The following PDZD2 variants were observed in gnomAD, a reference collection of about 807,000 sequenced individuals.
PDZD2 encodes PDZ domain containing 2.
In PDZD2, 90 loss-of-function variants were observed where a neutral mutation model predicts 220.7. That is an observed-to-expected ratio of 0.41 (90% CI 0.34 to 0.49). The LOEUF (loss-of-function observed/expected upper bound fraction) is 0.49. Among genes scored for constraint, PDZD2 ranks in the 20% least tolerant of loss-of-function variants. PDZD2 has a pLI of 0.28. For missense variants in PDZD2, 3,174 were observed against 3,608.5 expected, an observed-to-expected ratio of 0.88 and a Z score of 3.08; for synonymous variants, 1,375 against 1,450.5, an observed-to-expected ratio of 0.95 and a Z score of 1.18.
intron 1 of PDZD2, among the ~76,000 whole-genome samples, chr5:31,759,319 C>T (rs1202434078): frequency 6.6e-6 from 1 of 152,052 alleles, no homozygotes; most frequent in Non-Finnish European, 1.5e-5. Context: ...TTCGAGGCTT[C>T]GGGGGGAGTG....
chr5:31,862,991 C>T (rs1251547376), intron 2 of PDZD2, among the ~76,000 whole-genome samples: 2 of 151,990 alleles, frequency 1.3e-5, no homozygotes, highest in African/African-American at 2.4e-5. Flanking sequence ...CCTCCCAAGG[C>T]GTGGCAATCC....
chr5:32,003,166 A>C (rs1399900629), intron 5 of PDZD2, among the ~76,000 whole-genome samples: 2 of 52,048 alleles, frequency 3.8e-5, no homozygotes, highest in Admixed American at 2.6e-4. Flanking sequence ...CAACACACAC[A>C]CCACACACCA....
chr5:31,795,860 T>C (rs766235810), intron 1 of PDZD2, among the ~76,000 whole-genome samples: 10 of 152,208 alleles, frequency 6.6e-5, no homozygotes, highest in Non-Finnish European at 1.5e-4. Flanking sequence ...TGGAAAGCCC[T>C]CAATTATAGG....
chr5:32,022,379 TG>T (rs1281987118), intron 6 of PDZD2, among the ~76,000 whole-genome samples: 1 of 150,308 alleles, frequency 6.7e-6, no homozygotes, highest in African/African-American at 2.4e-5. Context: ...TTTTTTTTTT[TG>T]TATTTTAGTA....
At chr5:32,002,920 CACACACACCTCACACA>C (rs1752358050) in intron 5 of PDZD2, among the ~76,000 whole-genome samples, 2 of 121,732 alleles carry the variant, frequency 1.6e-5, no homozygotes, top group Non-Finnish European at 1.8e-5. Context: ...ACACACACAC[CACACACACCTCACACA>C]CCACGAACAC....
chr5:32,038,687 C>T (rs954704015), intron 7 of PDZD2, among the ~76,000 whole-genome samples: 7 of 152,074 alleles, frequency 4.6e-5, no homozygotes, highest in Non-Finnish European at 1.0e-4. Context: ...GCCCTCAGCA[C>T]TGTGCCTGCT....
rs780516568 is a variant in PDZD2, at chr5:32,088,224, G to A, written c.4776G>A (p.Ser1592=). 6.2e-6 allele frequency: 10 copies of A among 1,613,992 alleles called. No individual in the cohort carries two copies. Among genetic ancestry groups the A allele is most frequent in the African/African-American group, 5.3e-5 (4 of 74,900 alleles). ...TGTCTTTGCACAAGGAAGATCCTTCGGAGTCAGAAGAGGAACAGATTGAGA... is the reference window on the plus strand; with the variant it reads ...TGTCTTTGCACAAGGAAGATCCTTCAGAGTCAGAAGAGGAACAGATTGAGA... The part of the protein sequence containing the change: ...SRVSLHKEDP[S]ESEEEQIEIC... Residue 1592 remains serine (S), a synonymous_variant, in exon 20 of 25, where the codon TCG becomes TCA. Transcript: ENST00000438447. This position sits in a 1 kb window ranked among gnomAD's most constrained non-coding sequence, Gnocchi z 4.6.
At chr5:31,984,230 T>C (rs1167790331) in intron 3 of PDZD2, among the ~76,000 whole-genome samples, 1 of 152,200 alleles carries the variant, frequency 6.6e-6, no homozygotes, top group Non-Finnish European at 1.5e-5. Context: ...TTGACAACAA[T>C]CTCTGATACT....
At chr5:31,876,122 G>A (rs1164183011) in intron 2 of PDZD2, among the ~76,000 whole-genome samples, 5 of 151,736 alleles carry the variant, frequency 3.3e-5, no homozygotes, top group Non-Finnish European at 7.4e-5. Flanking sequence ...ATATTCTTTT[G>A]TATCCTTCAA....
chr5:31,949,821 C>T (rs1032848477), intron 2 of PDZD2, among the ~76,000 whole-genome samples: 15 of 148,986 alleles, frequency 1.0e-4, no homozygotes, highest in African/African-American at 3.5e-4. Flanking sequence ...TACAGGCATG[C>T]GCTACCACAC....
intron 1 of PDZD2, chr5:31,747,502 T>C (rs1750671170): frequency 6.6e-6 from 1 of 152,196 alleles, no homozygotes; most frequent in Non-Finnish European, 1.5e-5. Flanking sequence ...CAAGGTGCTG[T>C]GTTTTGGGGT....
At chr5:32,077,997 A>C (rs900782854) in intron 19 of PDZD2, 29 of 198,660 alleles carry the variant, frequency 1.5e-4, no homozygotes, top group Non-Finnish European at 2.5e-4. Flanking sequence ...TGATATTTTT[A>C]AGGAGAAAAA....
chr5:32,037,747 C>T (rs1400279821), intron 7 of PDZD2, among the ~76,000 whole-genome samples: 4 of 152,144 alleles, frequency 2.6e-5, no homozygotes, highest in East Asian at 1.9e-4. Flanking sequence ...CATTTCCTTA[C>T]GGCAGCTGGC....
intron 2 of PDZD2, among the ~76,000 whole-genome samples, chr5:31,879,616 T>C (rs73751249): frequency 0.057 from 8,642 of 152,154 alleles, 837 homozygotes; most frequent in African/African-American, 0.2. Flanking sequence ...TGTCCGCTGG[T>C]TGGTGTTTCG....
At chr5:31,717,709 C>T (rs777455711) in intron 1 of PDZD2, among the ~76,000 whole-genome samples, 3 of 152,174 alleles carry the variant, frequency 2.0e-5, no homozygotes, top group Non-Finnish European at 4.4e-5. Flanking sequence ...GTCCCCATTC[C>T]GTTGTCCTCT....
chr5:32,090,905 G>A lies in PDZD2; in HGVS notation c.7457G>A (p.Arg2486Lys). The change falls in exon 20 of 25, where the codon AGA (arginine) becomes AAA (lysine). Residue 2486 changes from arginine to lysine, a missense_variant. Transcript: ENST00000438447. This position sits in a 1 kb window ranked among gnomAD's most constrained non-coding sequence, Gnocchi z 4.3. ...PVSRSKLQEL[R>K]ALSMPDLDKL... ...TCCCGCTCCAAGCTCCAGGAGCTGAGAGCCTTGAGCATGCCTGACCTTGAC... is the reference window on the plus strand; with the variant it reads ...TCCCGCTCCAAGCTCCAGGAGCTGAAAGCCTTGAGCATGCCTGACCTTGAC... 1.2e-6 allele frequency: 2 copies of A among 1,614,012 alleles called. No individual in the cohort carries two copies. The highest frequency in any genetic ancestry group is 1.7e-6 in the Non-Finnish European group (2 of 1,180,030).
chr5:31,798,691 G>A (rs17416143), intron 1 of PDZD2, among the ~76,000 whole-genome samples, 198 bp from the exon 2 acceptor site: 26,608 of 152,050 alleles, frequency 0.17, 2,499 homozygotes, highest in Middle Eastern at 0.21. Context: ...TTCCAGAGGC[G>A]TCTGTCTGAG....
intron 2 of PDZD2, among the ~76,000 whole-genome samples, chr5:31,862,357 G>C (rs900625935): frequency 6.6e-6 from 1 of 151,792 alleles, no homozygotes; most frequent in Non-Finnish European, 1.5e-5. Flanking sequence ...ACCCGTCTCG[G>C]CCTCCCAAAG....
intron 2 of PDZD2, among the ~76,000 whole-genome samples, chr5:31,912,976 T>C (rs1743338974): frequency 6.6e-6 from 1 of 152,168 alleles, no homozygotes; most frequent in Non-Finnish European, 1.5e-5. Context: ...TGCATCCTTC[T>C]TTTAGGGTAC....
Sources: gnomAD v4.1 joint callset for allele counts (sites outside exome capture counted in the v4.1 genomes callset) on GRCh38, gnomAD v4.1.1 for gene constraint, Gnocchi (gnomAD v3.1) non-coding constraint, MANE v1.5 for transcripts, NCBI Gene and HGNC (gene_info 2026-07-23, HGNC 2026-07-21) for gene names.